CNTNAP5: variants seen among roughly 807,000 people sequenced by gnomAD.
CNTNAP5 encodes contactin-associated protein-like 5.
In CNTNAP5, 72 loss-of-function variants were observed where a neutral mutation model predicts 150.2. The ratio of observed to expected loss-of-function variants is 0.48; its 90% CI spans 0.40 to 0.58. The LOEUF is 0.58. Ranked by LOEUF, CNTNAP5 falls within the 20% of genes least tolerant of loss-of-function variation. The pLI, the probability that CNTNAP5 is intolerant of heterozygous loss-of-function variation, is 0.00. For missense variants in CNTNAP5, 1,636 were observed against 1,626.2 expected (o/e 1.01, Z -0.10); for synonymous variants, 672 against 619.8 (o/e 1.08, Z -1.25).
chr2:124,181,741 G>T (rs1470354341), intron 1 of CNTNAP5, among the ~76,000 whole-genome samples: 1 of 152,180 alleles, frequency 6.6e-6, no homozygotes, highest in East Asian at 1.9e-4. Flanking sequence ...TCTCCTGCCT[G>T]CATCACTGGC....
intron 3 of CNTNAP5, among the ~76,000 whole-genome samples, chr2:124,367,232 C>T (rs1452110715): frequency 6.6e-6 from 1 of 152,134 alleles, no homozygotes; most frequent in African/African-American, 2.4e-5. Context: ...GGCAGGAGGC[C>T]TATTAGTCCA....
chr2:124,448,319 A>G (rs929027974), intron 6 of CNTNAP5, among the ~76,000 whole-genome samples: 1 of 150,576 alleles, frequency 6.6e-6, no homozygotes, highest in African/African-American at 2.4e-5. Context: ...TAAACTTGAA[A>G]TTAGTTTTAA....
At chr2:124,246,389 G>T (rs1687029118) in intron 3 of CNTNAP5, among the ~76,000 whole-genome samples, 1 of 152,138 alleles carries the variant, frequency 6.6e-6, no homozygotes, top group South Asian at 2.1e-4. Context: ...ACAAGCCAGA[G>T]TCCCTCGCTT....
intron 5 of CNTNAP5, among the ~76,000 whole-genome samples, chr2:124,441,339 C>T (rs17011505): frequency 0.1 from 15,591 of 151,580 alleles, 1,270 homozygotes; most frequent in African/African-American, 0.2. Flanking sequence ...TTATTTTTCT[C>T]ATTATCCAAA....
intron 1 of CNTNAP5, among the ~76,000 whole-genome samples, chr2:124,104,835 C>A (rs891976647): frequency 1.4e-4 from 21 of 152,278 alleles, no homozygotes; most frequent in African/African-American, 4.6e-4. Flanking sequence ...ATGCTGACAG[C>A]TTTGGTAGCT....
chr2:124,328,705 G>A (rs1689278493), intron 3 of CNTNAP5, among the ~76,000 whole-genome samples: 1 of 152,106 alleles, frequency 6.6e-6, no homozygotes, highest in Non-Finnish European at 1.5e-5. Context: ...AATAGGATGG[G>A]GTGAGATAAG....
chr2:124,625,923 TG>T (rs1452779037), intron 12 of CNTNAP5, among the ~76,000 whole-genome samples: 1 of 152,230 alleles, frequency 6.6e-6, no homozygotes, highest in Non-Finnish European at 1.5e-5. Flanking sequence ...AATGGAATCC[TG>T]GTCAAGTTGC....
intron 13 of CNTNAP5, among the ~76,000 whole-genome samples, chr2:124,742,123 CTG>C (rs1232931537): frequency 4.6e-5 from 7 of 152,270 alleles, no homozygotes; most frequent in Non-Finnish European, 1.0e-4. Flanking sequence ...AAGAGGCTCA[CTG>C]TGTTGAAATG....
chr2:124,725,314 A>G (rs1680132930), intron 13 of CNTNAP5, among the ~76,000 whole-genome samples: 1 of 152,180 alleles, frequency 6.6e-6, no homozygotes, highest in South Asian at 2.1e-4. Flanking sequence ...ATTGAAGAAT[A>G]ATTGACAAAA....
intron 3 of CNTNAP5, among the ~76,000 whole-genome samples, chr2:124,353,933 C>T (rs903963207): frequency 2.6e-5 from 4 of 152,140 alleles, no homozygotes; most frequent in African/African-American, 9.7e-5. Context: ...GTAGCCTGGA[C>T]ATTTGTCCAA....
intron 1 of CNTNAP5, among the ~76,000 whole-genome samples, chr2:124,175,272 C>T (rs531294348): frequency 5.3e-5 from 8 of 152,216 alleles, no homozygotes; most frequent in South Asian, 2.1e-4. Context: ...TAATTTAGCA[C>T]CCTACTTTTG....
intron 12 of CNTNAP5, among the ~76,000 whole-genome samples, chr2:124,616,748 C>G (rs1187213380): frequency 6.6e-6 from 1 of 152,088 alleles, no homozygotes; most frequent in African/African-American, 2.4e-5. Flanking sequence ...CACTTGAATT[C>G]TTAGAGGTTA....
chr2:124,902,735 A>C, intron 21 of CNTNAP5, 147 bp from the exon 22 acceptor site: 1 of 527,776 alleles, frequency 1.9e-6, no homozygotes, highest in Admixed American at 3.2e-5. Context: ...AAAGGAGATA[A>C]AGAGAGATAG....
intron 4 of CNTNAP5, among the ~76,000 whole-genome samples, chr2:124,431,529 A>AT (rs1692381031): frequency 2.1e-5 from 3 of 143,878 alleles, no homozygotes; most frequent in Non-Finnish European, 3.0e-5. Flanking sequence ...ATATATATAT[A>AT]AAATTTCTTT....
chr2:124,338,171 T>A (rs1689524013), intron 3 of CNTNAP5, among the ~76,000 whole-genome samples: 1 of 152,086 alleles, frequency 6.6e-6, no homozygotes, highest in Admixed American at 6.6e-5. Flanking sequence ...TCTGTTTGTC[T>A]GTTGTTGGTG....
chr2:124,444,618 A>G (rs763832194), intron 5 of CNTNAP5, among the ~76,000 whole-genome samples: 1 of 151,926 alleles, frequency 6.6e-6, no homozygotes, highest in Admixed American at 6.6e-5. Context: ...AAACAAACAA[A>G]CAAGCAAAAA....
intron 11 of CNTNAP5, among the ~76,000 whole-genome samples, chr2:124,599,047 A>G (rs1388171810): frequency 6.6e-6 from 1 of 151,816 alleles, no homozygotes; most frequent in African/African-American, 2.4e-5. Context: ...ACTGTCTGGC[A>G]CTCCCTAGTG....
chr2:124,655,348 T>C (rs553122854), intron 13 of CNTNAP5, among the ~76,000 whole-genome samples: 82 of 152,226 alleles, frequency 5.4e-4, no homozygotes, highest in African/African-American at 1.8e-3. Context: ...GGCTGCATAG[T>C]ATTCCATGGT....
At chr2:124,351,274 G>T (rs568238832) in intron 3 of CNTNAP5, among the ~76,000 whole-genome samples, 2 of 152,162 alleles carry the variant, frequency 1.3e-5, no homozygotes, top group East Asian at 3.9e-4. Context: ...TTCCTTCAGG[G>T]CAGCCACTTT....
Sources: gnomAD v4.1 joint callset for allele counts (sites outside exome capture counted in the v4.1 genomes callset) on GRCh38, gnomAD v4.1.1 for gene constraint, MANE v1.5 for transcripts, NCBI Gene and HGNC (gene_info 2026-07-23, HGNC 2026-07-21) for gene names.